The following ASIC4 variants were observed in gnomAD, a reference collection of about 807,000 sequenced individuals.
ASIC4 encodes acid sensing ion channel subunit family member 4, also known as acid-sensing ion channel 4.
A neutral mutation model predicts 53.4 loss-of-function variants in ASIC4; 28 were observed. The ratio of observed to expected loss-of-function variants is 0.52; its 90% CI spans 0.39 to 0.72. The LOEUF (loss-of-function observed/expected upper bound fraction) is 0.72. Ranked by LOEUF, ASIC4 falls within the 30% of genes least tolerant of loss-of-function variation. The probability of loss-of-function intolerance (pLI) is 0.00; values close to 1 mark genes in which losing one functional copy is unlikely to be tolerated. For synonymous variants in ASIC4, 289 were observed against 301.4 expected (o/e 0.96, Z 0.43); for missense variants, 649 against 729.7 (o/e 0.89, Z 1.27).
chr2:219,526,440 T>C (rs901678855), intron 1 of ASIC4, among the ~76,000 whole-genome samples: 2 of 151,350 alleles, frequency 1.3e-5, no homozygotes, highest in Admixed American at 1.3e-4. Context: ...AGAAAGCAAA[T>C]AGGATAGAGA....
chr2:219,534,479 G>A (rs1007478871), intron 5 of ASIC4, among the ~76,000 whole-genome samples: 3 of 152,212 alleles, frequency 2.0e-5, no homozygotes, highest in Non-Finnish European at 4.4e-5. Context: ...TGCCACCTAC[G>A]GCCTGGCAGT....
In ASIC4 at chr2:219,515,083, T is replaced by G; in HGVS notation, c.359T>G (p.Ile120Ser). 1 of 1,613,882 alleles carries G rather than the reference T, an allele frequency of 6.2e-7. No individual in the cohort carries two copies. The highest frequency in any genetic ancestry group is 8.5e-7 in the Non-Finnish European group (1 of 1,180,006). ...TTCCCGGCTGTCACCCTCTGCAATA[T>G]CAACCGCTTCCGGCATTCGGCACTC... The part of the protein sequence containing the change: ...AGFPAVTLCN[I>S]NRFRHSALSD... Residue 120 changes from isoleucine (I) to serine (S), a missense_variant, in exon 1 of 10, where the codon ATC becomes AGC. By Grantham distance (142) the Ile-to-Ser change is moderately radical (BLOSUM62 -2). Transcript: ENST00000358078.
In ASIC4 at chr2:219,532,040, A is replaced by G. The variant is rs1695050611; in HGVS notation, c.767A>G (p.His256Arg). Residue 256 changes from histidine (H) to arginine (R), a missense_variant, in exon 3 of 10, where the codon CAC becomes CGC. Physicochemically the swap from His to Arg is conservative, Grantham distance 29. Transcript: ENST00000358078. The part of the protein sequence containing the change: ...SFEAGIRVQI[H>R]SQEEPPYIHQ... The stretch of plus-strand genomic sequence containing the variant: ...GAGGCAGGTATTCGGGTGCAGATCC[A>G]CAGCCAGGAGGAGCCGCCCTACATC... The G allele has an allele frequency of 1.9e-6, 3 of 1,614,116 alleles. No homozygotes were observed. The highest frequency in any genetic ancestry group is 1.1e-5 in the South Asian group (1 of 91,090).
chr2:219,528,206 C>A (rs769200352), intron 1 of ASIC4, among the ~76,000 whole-genome samples: 1 of 152,200 alleles, frequency 6.6e-6, no homozygotes, highest in Non-Finnish European at 1.5e-5. Flanking sequence ...TTTCCCACAC[C>A]ACCAGGACCC....
chr2:219,537,443 GT>G lies in ASIC4; in HGVS notation c.1401+123del. On this transcript the variant is annotated intron_variant, in intron 8 of 9. Coordinates refer to ENST00000358078, the MANE Select transcript of ASIC4 (RefSeq NM_018674.6). The surrounding 1 kb of genome is among the most constrained non-coding windows in gnomAD (Gnocchi z 4.9). ...GTCAGGTTCAGGGTTCTCTGCCAGG[GT>G]CCCCTGACTGGCTGGCAGGCCTGAG... The G allele has an allele frequency of 8.0e-7, 1 of 1,250,480 alleles. No homozygotes were observed. The highest frequency in any genetic ancestry group is 1.1e-6 in the Non-Finnish European group (1 of 886,374). 77.5% of individuals were successfully genotyped at this position (1,250,480 alleles called of 1,614,324 possible).
At chr2:219,533,369 G>T (rs1003785856) in intron 5 of ASIC4, 2 of 259,986 alleles carry the variant, frequency 7.7e-6, no homozygotes, top group Admixed American at 4.7e-5. Flanking sequence ...ATCGATTCGC[G>T]CATTCTCCAG....
Position 219,537,343 on chromosome 2 carries a change from G to A in ASIC4, c.1401+22G>A, listed in dbSNP as rs1323478777. On this transcript the variant is annotated intron_variant, in intron 8 of 9. Transcript: ENST00000358078. The surrounding 1 kb of genome is among the most constrained non-coding windows in gnomAD (Gnocchi z 4.9). ...TGAGGCAAGGGCCCTGGAGAAGGCA[G>A]GGTGGGAGTGGGGGCCGTGGGCAAA... 1.2e-6 allele frequency: 2 copies of A among 1,605,582 alleles called. No individual in the cohort carries two copies. Among genetic ancestry groups the A allele is most frequent in the South Asian group, 2.2e-5 (2 of 89,930 alleles).
At chr2:219,535,615 G>C (rs1304585863) in intron 6 of ASIC4, among the ~76,000 whole-genome samples, 1 of 151,482 alleles carries the variant, frequency 6.6e-6, no homozygotes, top group Non-Finnish European at 1.5e-5. Context: ...ATGTGTGTGA[G>C]AGAATGTGTC....
Position 219,532,493 on chromosome 2 carries a change from C to A in ASIC4, c.1018+16C>A. The A allele has an allele frequency of 6.2e-7, 1 of 1,601,362 alleles. No homozygotes were observed. Among genetic ancestry groups the A allele is most frequent in the Non-Finnish European group, 8.5e-7 (1 of 1,172,118 alleles). ...CACATGCCAGGTGGGCACCCCACCC[C>A]CAGCCAGCCCTCCATGCCACCCTGC... On this transcript the variant is annotated intron_variant, in intron 4 of 9. Transcript: ENST00000358078.
intron 1 of ASIC4, among the ~76,000 whole-genome samples, chr2:219,530,929 G>A (rs1282879249): frequency 6.6e-6 from 1 of 152,190 alleles, no homozygotes; most frequent in East Asian, 1.9e-4. Context: ...ACTGTGGACT[G>A]GGCACCATGG....
At chr2:219,530,842 A>G (rs1264683450) in intron 1 of ASIC4, among the ~76,000 whole-genome samples, 1 of 152,212 alleles carries the variant, frequency 6.6e-6, no homozygotes, top group African/African-American at 2.4e-5. Context: ...GGGTTAGGGA[A>G]GGAGCATGAC....
Position 219,536,048 on chromosome 2 carries a change from C to G in ASIC4, c.1229+724C>G, listed in dbSNP as rs1377454620. Among the ~76,000 whole-genome samples the G allele has an allele frequency of 1.3e-5, 2 of 152,160 alleles. No homozygotes were observed. On this transcript the variant is annotated intron_variant, in intron 6 of 9. Coordinates refer to ENST00000358078, the MANE Select transcript of ASIC4 (RefSeq NM_018674.6). The surrounding 1 kb of genome is among the most constrained non-coding windows in gnomAD (Gnocchi z 4.6). Reference sequence around the variant, plus strand: ...TTGGTCTCCCAAAGTGCTGGGATTACAGGTGTGAGCCACCTTGCCTGGCCA... The same window carrying G: ...TTGGTCTCCCAAAGTGCTGGGATTAGAGGTGTGAGCCACCTTGCCTGGCCA...
In ASIC4 at chr2:219,537,836, CCTCTG is replaced by C; in HGVS notation, c.1507-95_1507-91del. On this transcript the variant is annotated intron_variant, in intron 9 of 9. Coordinates refer to ENST00000358078, the MANE Select transcript of ASIC4 (RefSeq NM_018674.6). The surrounding 1 kb of genome is among the most constrained non-coding windows in gnomAD (Gnocchi z 4.9). ...CCAGCCTGTGGAGGGGGCCCTGGAG[CCTCTG>C]CCCGAGGTGACAAGGAAAGGCTGGC... 6.7e-7 allele frequency: 1 copy of C among 1,496,720 alleles called. No homozygotes were observed. Among genetic ancestry groups the C allele is most frequent in the South Asian group, 1.2e-5 (1 of 83,664 alleles). The allele number at this position is 1,496,720 out of a possible 1,614,324, so 92.7% of individuals were successfully genotyped here. A position where few individuals can be genotyped will look rare whatever the true frequency, so the allele number is the denominator to read the frequency against.
chr2:219,514,022 G>A (rs746111519), upstream of ASIC4: 4 of 373,214 alleles, frequency 1.1e-5, no homozygotes, highest in Non-Finnish European at 1.9e-5. Context: ...CTGGGTGCTG[G>A]AGTCAGGAGT....
chr2:219,532,785 T>A, intron 4 of ASIC4, 98 bp from the exon 5 acceptor site: 1 of 1,147,668 alleles, frequency 8.7e-7, no homozygotes, highest in Non-Finnish European at 1.3e-6. Flanking sequence ...TGCAAATGTG[T>A]GCATATGTGT....
chr2:219,511,950 CAG>C (rs1317066016), upstream of ASIC4, among the ~76,000 whole-genome samples: 4 of 151,332 alleles, frequency 2.6e-5, no homozygotes, highest in African/African-American at 9.7e-5. This position sits in a 1 kb window ranked among gnomAD's most constrained non-coding sequence, Gnocchi z 5.3. Flanking sequence ...TATAGAGAGA[CAG>C]GGAGGGGGCC....
intron 1 of ASIC4, among the ~76,000 whole-genome samples, chr2:219,515,636 C>T (rs555763236): frequency 2.6e-5 from 4 of 152,344 alleles, no homozygotes; most frequent in Admixed American, 2.0e-4. Flanking sequence ...AGGGAACGCA[C>T]GCACCATCCC....
chr2:219,515,525 C>T (rs1193860726), intron 1 of ASIC4, among the ~76,000 whole-genome samples: 1 of 152,270 alleles, frequency 6.6e-6, no homozygotes, highest in African/African-American at 2.4e-5. Flanking sequence ...GCGCCTGCTG[C>T]TCCTCTTCTT....
At chr2:219,532,839 G>T (rs770177437) in intron 4 of ASIC4, 44 bp from the exon 5 acceptor site, 7 of 1,575,488 alleles carry the variant, frequency 4.4e-6, no homozygotes, top group Middle Eastern at 1.7e-4. Flanking sequence ...TGGGGGACAG[G>T]GGAAGTGATC....
Sources: gnomAD v4.1 joint callset for allele counts (sites outside exome capture counted in the v4.1 genomes callset) on GRCh38, gnomAD v4.1.1 for gene constraint, Gnocchi (gnomAD v3.1) non-coding constraint, MANE v1.5 for transcripts, NCBI Gene and HGNC (gene_info 2026-07-23, HGNC 2026-07-21) for gene names.